Variants in FAM222A observed in about 807,000 individuals in gnomAD.
FAM222A encodes the protein family with sequence similarity 222 member A.
Under a neutral mutation model 25.8 loss-of-function variants are expected in FAM222A, and 7 were observed. That is an observed-to-expected ratio of 0.27 (90% confidence interval 0.15 to 0.51). The LOEUF (loss-of-function observed/expected upper bound fraction) is 0.51, where lower values mean the gene tolerates loss of function less well. FAM222A is among the 20% of genes least tolerant of loss of function. FAM222A has a pLI of 0.97. For missense variants in FAM222A, 573 were observed against 640.5 expected (o/e 0.89, Z 1.14); for synonymous variants, 294 against 298.8 (o/e 0.98, Z 0.17).
At chr12:109,753,413 C>T (rs1376732757) in intron 2 of FAM222A, among the ~76,000 whole-genome samples, 1 of 152,142 alleles carries the variant, frequency 6.6e-6, no homozygotes, top group Non-Finnish European at 1.5e-5. Context: ...ACAGAGAGTG[C>T]CCTGATGGGG....
intron 2 of FAM222A, among the ~76,000 whole-genome samples, chr12:109,751,131 CATTTT>C (rs1160392967): frequency 6.6e-6 from 1 of 152,140 alleles, no homozygotes; most frequent in Non-Finnish European, 1.5e-5. Flanking sequence ...CTTTCTGACT[CATTTT>C]ATGTTGCTCA....
chr12:109,725,189 A>G (rs1290385021), intron 1 of FAM222A, among the ~76,000 whole-genome samples: 1 of 152,162 alleles, frequency 6.6e-6, no homozygotes, highest in Non-Finnish European at 1.5e-5. Context: ...GTTACACAGC[A>G]AGAAAATAGC....
intron 2 of FAM222A, among the ~76,000 whole-genome samples, chr12:109,748,569 ATTGT>A (rs778008275): frequency 5.9e-5 from 9 of 152,000 alleles, no homozygotes; most frequent in Non-Finnish European, 8.8e-5. Flanking sequence ...AATTAGTTTG[ATTGT>A]TTGTTCTACT....
intron 2 of FAM222A, among the ~76,000 whole-genome samples, chr12:109,745,269 C>G (rs1015552379): frequency 6.6e-6 from 1 of 152,224 alleles, no homozygotes; most frequent in African/African-American, 2.4e-5. Flanking sequence ...CCTTTGTAAT[C>G]TATTCTGTAT....
In FAM222A at chr12:109,721,626, T is replaced by C. The variant is rs61943761; in HGVS notation, c.-47+6729T>C. On this transcript the variant is annotated intron_variant, in intron 1 of 2. Coordinates refer to ENST00000538780, the MANE Select transcript of FAM222A (RefSeq NM_032829.3). ...TCAGGGTGCCTCTGGCCCGTCTCCA[T>C]GTGGCTCAGAGGACCAGGGGGGACA... 4.0e-3 allele frequency among the ~76,000 whole-genome samples: 606 copies of C among 152,294 alleles called. 6 individuals carry two copies. The highest frequency in any genetic ancestry group is 4.7e-3 in the Non-Finnish European group (319 of 68,018).
chr12:109,767,062 CTTTT>C lies in FAM222A; in HGVS notation c.83-929_83-926del, dbSNP rs757766627. Reference sequence around the variant, plus strand: ...AGGCATGCACCATAATGCTTGGCTTCTTTTTTTTTTTTTTTTTTTTTTTTCTTAT... The same window carrying C: ...AGGCATGCACCATAATGCTTGGCTTCTTTTTTTTTTTTTTTTTTTTCTTAT... On this transcript the variant is annotated intron_variant, in intron 2 of 2. Transcript: ENST00000538780. Among the ~76,000 whole-genome samples, 4 of 93,076 alleles carry C rather than the reference CTTTT, an allele frequency of 4.3e-5. No homozygotes were observed. In the East Asian group the frequency reaches 1.0e-3, roughly 24 times the overall value. The allele number at this position is 93,076 out of a possible 152,430, so 61.1% of individuals were successfully genotyped here. A position where few individuals can be genotyped will look rare whatever the true frequency, so the allele number is the denominator to read the frequency against.
rs748418351 is a variant in FAM222A at position 109,768,448 on chromosome 12, C to T, written c.519C>T (p.Pro173=). The T allele has an allele frequency of 1.6e-4, 262 of 1,600,170 alleles. 1 individual carries two copies. The highest frequency in any genetic ancestry group is 1.0e-3 in the Admixed American group (60 of 59,866). The change falls in exon 3 of 3, where the codon CCC becomes CCT. Residue 173 remains proline (P), a synonymous_variant. Coordinates refer to ENST00000538780, the MANE Select transcript of FAM222A (RefSeq NM_032829.3). ...CGCCTGCTCCACCACCCGGCCTGCC[C>T]GCAGCCGCCACTGCCGCCTCCGTCA... ...PEAPAPPPGL[P]AAATAASVIP... is the part of the protein sequence containing the mutation.
intron 1 of FAM222A, among the ~76,000 whole-genome samples, chr12:109,740,501 G>A (rs765257699): frequency 1.6e-4 from 25 of 152,172 alleles, no homozygotes; most frequent in Non-Finnish European, 3.1e-4. Flanking sequence ...GAGTCCAGGC[G>A]GGGACTCTGA....
chr12:109,723,492 C>T (rs1424130123), intron 1 of FAM222A, among the ~76,000 whole-genome samples: 1 of 152,224 alleles, frequency 6.6e-6, no homozygotes, highest in African/African-American at 2.4e-5. Context: ...CCACCCTTCT[C>T]CTGTCCTGGG....
rs529069553 is a variant in FAM222A at position 109,713,948 on chromosome 12, C to G, written c.-996C>G. Among the ~76,000 whole-genome samples, 61 of 146,286 alleles carry G rather than the reference C, an allele frequency of 4.2e-4. No homozygotes were observed. The highest frequency in any genetic ancestry group is 1.3e-3 in the African/African-American group (54 of 40,872). On this transcript the variant is annotated 5_prime_UTR_variant, in exon 1 of 3. Coordinates refer to ENST00000538780, the MANE Select transcript of FAM222A (RefSeq NM_032829.3). ...CGCCTGTGGGGCGCGGCGCGCGGCA[C>G]CCGGGCCTGAGACCAGGCGAGGCGC...
chr12:109,757,446 A>G (rs927163041), intron 2 of FAM222A, among the ~76,000 whole-genome samples: 1 of 152,228 alleles, frequency 6.6e-6, no homozygotes. Flanking sequence ...GGGGAGACAT[A>G]TGCCATGCTG....
intron 1 of FAM222A, among the ~76,000 whole-genome samples, chr12:109,725,457 A>G (rs1300292803): frequency 3.1e-5 from 1 of 32,022 alleles, no homozygotes. Context: ...CTAGGTCTGC[A>G]CCCTGTGGGT....
intron 1 of FAM222A, among the ~76,000 whole-genome samples, chr12:109,737,244 G>T (rs1300076037): frequency 6.6e-6 from 1 of 152,090 alleles, no homozygotes; most frequent in African/African-American, 2.4e-5. Context: ...AAGTGTGCAG[G>T]TGAGAGTCTT....
intron 1 of FAM222A, among the ~76,000 whole-genome samples, chr12:109,728,640 G>A (rs1592780114): frequency 6.6e-6 from 1 of 152,184 alleles, no homozygotes; most frequent in East Asian, 1.9e-4. Context: ...AGGGCTAAGA[G>A]TCTGGTACCT....
Position 109,770,122 on chromosome 12 carries a change from G to T in FAM222A, c.*834G>T, listed in dbSNP as rs1889202215. ...CTGTTCGCACAAAGGCACCACAGGGGCTAACAGTGGGCCTGCAATCTTAGA... is the reference window on the plus strand; with the variant it reads ...CTGTTCGCACAAAGGCACCACAGGGTCTAACAGTGGGCCTGCAATCTTAGA... On this transcript the variant is annotated 3_prime_UTR_variant, in exon 3 of 3. Coordinates refer to ENST00000538780, the MANE Select transcript of FAM222A (RefSeq NM_032829.3). 6.6e-6 allele frequency: 1 copy of T among 152,356 alleles called. No individual in the cohort carries two copies. Among genetic ancestry groups the T allele is most frequent in the African/African-American group, 2.4e-5 (1 of 41,466 alleles). 9.4% of individuals were successfully genotyped at this position (152,356 alleles called of 1,614,324 possible).
intron 2 of FAM222A, among the ~76,000 whole-genome samples, chr12:109,750,051 G>T (rs1296863644): frequency 1.3e-5 from 2 of 151,972 alleles, no homozygotes; most frequent in African/African-American, 4.8e-5. Flanking sequence ...TACATTTATT[G>T]ATATGACACA....
intron 1 of FAM222A, among the ~76,000 whole-genome samples, chr12:109,717,378 C>T (rs753995971): frequency 9.9e-5 from 15 of 152,170 alleles, no homozygotes; most frequent in Non-Finnish European, 1.8e-4. Context: ...TGCCCCTGGC[C>T]GCCCCAGGGA....
intron 1 of FAM222A, among the ~76,000 whole-genome samples, chr12:109,738,768 A>G (rs1888153767): frequency 6.6e-6 from 1 of 152,192 alleles, no homozygotes; most frequent in Non-Finnish European, 1.5e-5. Context: ...CCTTGTACAC[A>G]GCTGGATTAA....
intron 1 of FAM222A, among the ~76,000 whole-genome samples, chr12:109,742,592 ACTCT>A (rs150221025): frequency 7.1e-5 from 10 of 141,136 alleles, no homozygotes; most frequent in Middle Eastern, 3.8e-3. Context: ...TCCATCCTCC[ACTCT>A]CTCTCTCTCT....
Sources: allele counts gnomAD v4.1 joint callset (sites outside exome capture counted in the v4.1 genomes callset), GRCh38; gene constraint gnomAD v4.1.1; transcripts MANE v1.5; gene names NCBI Gene and HGNC (gene_info 2026-07-23, HGNC 2026-07-21).